Variants in CSMD3 observed in about 807,000 individuals in gnomAD.
The protein encoded by CSMD3 is CUB and Sushi multiple domains 3.
CSMD3 carries 177 observed loss-of-function variants against 435.2 expected under a neutral mutation model. The ratio of observed to expected loss-of-function variants is 0.41; its 90% CI spans 0.36 to 0.46. The LOEUF (loss-of-function observed/expected upper bound fraction) is 0.46, where lower values mean the gene tolerates loss of function less well. Among genes scored for constraint, CSMD3 ranks in the 20% least tolerant of loss-of-function variants. The pLI, the probability that CSMD3 is intolerant of heterozygous loss-of-function variation, is 0.34. For missense variants in CSMD3, 4,265 were observed against 4,504.6 expected (o/e 0.95, Z 1.52); for synonymous variants, 1,656 against 1,520.5 (o/e 1.09, Z -2.07).
rs573066631 is a variant in CSMD3 at position 112,698,698 on chromosome 8, C to T, written c.1973-8648G>A. Among the ~76,000 whole-genome samples the T allele has an allele frequency of 5.9e-5, 9 of 152,210 alleles. No individual in the cohort carries two copies. The South Asian group carries it at 1.0e-3, about 18-fold the overall frequency. On this transcript the variant is annotated intron_variant, in intron 13 of 70. Coordinates refer to ENST00000297405, the MANE Select transcript of CSMD3 (RefSeq NM_198123.2). ...ACAAAGATAATGGCAGAGTACAACA[C>T]ATTGAATAAAATTTAAATGCATTCA...
intron 1 of CSMD3, among the ~76,000 whole-genome samples, chr8:113,347,471 C>G (rs1440187001): frequency 6.6e-6 from 1 of 152,076 alleles, no homozygotes; most frequent in Non-Finnish European, 1.5e-5. Context: ...GAGGTTACAG[C>G]CTTTGGCACA....
In CSMD3 at chr8:112,639,233, C is replaced by G. The variant is rs533657397; in HGVS notation, c.3311-322G>C. On this transcript the variant is annotated intron_variant, in intron 20 of 70. Coordinates refer to ENST00000297405, the MANE Select transcript of CSMD3 (RefSeq NM_198123.2). Reference sequence around the variant, plus strand: ...ATATCTTTTGTTTATAATAGAGGTGCAATTTCCTGGCAAATACTGCACATG... The same window carrying G: ...ATATCTTTTGTTTATAATAGAGGTGGAATTTCCTGGCAAATACTGCACATG... Among the ~76,000 whole-genome samples the G allele has an allele frequency of 7.2e-5, 11 of 152,134 alleles. 1 individual carries two copies. The South Asian group carries it at 2.3e-3, about 32-fold the overall frequency.
intron 13 of CSMD3, among the ~76,000 whole-genome samples, chr8:112,759,127 T>C (rs2077772944): frequency 6.6e-6 from 1 of 152,130 alleles, no homozygotes; most frequent in Admixed American, 6.5e-5. Context: ...TTAAGGCAAG[T>C]TAGTGATAAA....
chr8:113,278,627 G>C lies in CSMD3; in HGVS notation c.479C>G (p.Ala160Gly), dbSNP rs747345664. 7.5e-6 allele frequency: 12 copies of C among 1,595,054 alleles called. No individual in the cohort carries two copies. Among genetic ancestry groups the C allele is most frequent in the Non-Finnish European group, 1.0e-5 (12 of 1,163,006 alleles). The change falls in exon 3 of 71, where the codon GCA becomes GGA. Residue 160 changes from alanine to glycine, a missense_variant. Physicochemically the swap from Ala to Gly is moderately conservative, Grantham distance 60 (BLOSUM62 0). Transcript: ENST00000297405. The stretch of plus-strand genomic sequence containing the variant: ...TACCTTAAATCCATGAGCACTAACT[G>C]CAAAATCACTGGTCAAACGTAGTGA... ...VFSLRLTSDFAVSAHGFKVYY... is the reference protein window; with the variant it reads ...VFSLRLTSDFGVSAHGFKVYY...
intron 10 of CSMD3, among the ~76,000 whole-genome samples, chr8:112,892,065 C>T (rs2081808859): frequency 6.6e-6 from 1 of 151,386 alleles, no homozygotes; most frequent in Non-Finnish European, 1.5e-5. Context: ...ACTTCTATCT[C>T]CTCTGTTAAT....
rs529282321 is a variant in CSMD3 at position 113,111,015 on chromosome 8, G to A, written c.710-12052C>T. Among the ~76,000 whole-genome samples, 4 of 152,188 alleles carry A rather than the reference G, an allele frequency of 2.6e-5. No individual in the cohort carries two copies. The South Asian group carries it at 6.2e-4, about 24-fold the overall frequency. The stretch of plus-strand genomic sequence containing the variant: ...AAGGGCACTATTCCCATTCATGAGA[G>A]TTCTGCCCTCAAGACCTAATCACCT... On this transcript the variant is annotated intron_variant, in intron 4 of 70. Transcript: ENST00000297405.
At chr8:112,885,828 C>T (rs537416014) in intron 10 of CSMD3, among the ~76,000 whole-genome samples, 4 of 151,626 alleles carry the variant, frequency 2.6e-5, no homozygotes, top group Admixed American at 6.6e-5. Flanking sequence ...GTAAGCACAT[C>T]TAACAATGAA....
chr8:113,014,464 A>C (rs1204284249), intron 6 of CSMD3, among the ~76,000 whole-genome samples: 5 of 152,062 alleles, frequency 3.3e-5, no homozygotes, highest in African/African-American at 1.2e-4. Flanking sequence ...ACAATGGAAG[A>C]GGGATAATTC....
intron 32 of CSMD3, among the ~76,000 whole-genome samples, chr8:112,410,018 A>G (rs540632996): frequency 6.6e-6 from 1 of 151,958 alleles, no homozygotes; most frequent in African/African-American, 2.4e-5. Context: ...ATGAGTATAT[A>G]CAAATATATT....
At chr8:113,164,723 C>A (rs187106314) in intron 4 of CSMD3, among the ~76,000 whole-genome samples, 27 of 152,090 alleles carry the variant, frequency 1.8e-4, no homozygotes, top group African/African-American at 6.5e-4. Context: ...CCACGTATAT[C>A]TTTTACTTAA....
chr8:112,659,036 G>T (rs896292336), intron 17 of CSMD3, among the ~76,000 whole-genome samples: 2 of 152,136 alleles, frequency 1.3e-5, no homozygotes, highest in Middle Eastern at 6.3e-3. Flanking sequence ...ATTGGAGTTT[G>T]ACTTTGATAG....
chr8:113,311,787 T>C (rs1324146118), intron 2 of CSMD3: 1 of 152,114 alleles, frequency 6.6e-6, no homozygotes, highest in Admixed American at 6.5e-5. Flanking sequence ...ACAGTACTTC[T>C]TGAAGCACAA....
intron 38 of CSMD3, among the ~76,000 whole-genome samples, chr8:112,372,941 GTCTGTGTAGTAAC>G (rs1226632343): frequency 8.4e-6 from 1 of 119,456 alleles, no homozygotes; most frequent in Non-Finnish European, 1.9e-5. Flanking sequence ...AGCAGGGCAT[GTCTGTGTAGTAAC>G]TCTGCCAGCA....
intron 13 of CSMD3, among the ~76,000 whole-genome samples, chr8:112,744,426 G>A (rs900234542): frequency 2.0e-5 from 3 of 151,916 alleles, no homozygotes. Flanking sequence ...ATTTCCTTGG[G>A]AAAAACATAG....
chr8:112,560,791 T>C (rs1487572754), intron 24 of CSMD3, among the ~76,000 whole-genome samples: 2 of 151,688 alleles, frequency 1.3e-5, no homozygotes, highest in African/African-American at 4.8e-5. Flanking sequence ...TAATACTACA[T>C]TTAAACGTCT....
chr8:112,275,843 G>C (rs1311291147), intron 59 of CSMD3, among the ~76,000 whole-genome samples: 4 of 152,108 alleles, frequency 2.6e-5, no homozygotes, highest in Non-Finnish European at 5.9e-5. Context: ...AGATTTGGTT[G>C]GGGCTACAGC....
intron 4 of CSMD3, among the ~76,000 whole-genome samples, chr8:113,117,045 C>A (rs573243188): frequency 6.6e-5 from 10 of 152,294 alleles, no homozygotes; most frequent in African/African-American, 2.2e-4. Flanking sequence ...GACCCATTTT[C>A]TGAAAAGAGA....
chr8:113,131,865 C>A (rs1164488550), intron 4 of CSMD3, among the ~76,000 whole-genome samples: 1 of 152,204 alleles, frequency 6.6e-6, no homozygotes, highest in East Asian at 1.9e-4. Flanking sequence ...ATTTGGGAGC[C>A]AACCCCTTGC....
intron 13 of CSMD3, among the ~76,000 whole-genome samples, chr8:112,690,353 C>G (rs183674892): frequency 6.6e-6 from 1 of 151,954 alleles, no homozygotes; most frequent in Admixed American, 6.6e-5. Flanking sequence ...TCTCTCTGTA[C>G]TACATATATA....
Sources: gnomAD v4.1 joint callset for allele counts (sites outside exome capture counted in the v4.1 genomes callset) on GRCh38, gnomAD v4.1.1 for gene constraint, MANE v1.5 for transcripts, NCBI Gene and HGNC (gene_info 2026-07-23, HGNC 2026-07-21) for gene names.